SCHIP1: variants seen among roughly 807,000 people sequenced by gnomAD.
The protein encoded by SCHIP1 is schwannomin interacting protein 1.
In SCHIP1, 8 loss-of-function variants were observed where a neutral mutation model predicts 29.7. That is an observed-to-expected ratio of 0.27 (90% confidence interval 0.16 to 0.49). SCHIP1 has a LOEUF of 0.49. Ranked by LOEUF, SCHIP1 falls within the 20% of genes least tolerant of loss-of-function variation. The pLI is 0.99. For missense variants in SCHIP1, 193 were observed against 294.6 expected (o/e 0.66, Z 2.52); for synonymous variants, 76 against 94.9 (o/e 0.80, Z 1.16).
the SCHIP1 span, among the ~76,000 whole-genome samples, chr3:159,326,370 A>C: frequency 6.6e-6 from 1 of 152,234 alleles, no homozygotes; most frequent in Non-Finnish European, 1.5e-5. Flanking sequence ...AAGTATTCCA[A>C]AAGTACATCA....
intron 1 of SCHIP1, among the ~76,000 whole-genome samples, chr3:159,851,746 C>T (rs558869432): frequency 5.9e-5 from 9 of 152,302 alleles, no homozygotes; most frequent in Non-Finnish European, 8.8e-5. Context: ...CTGTGGCCAG[C>T]ATTGCCACAG....
chr3:159,615,575 C>T, the SCHIP1 span, among the ~76,000 whole-genome samples: 1 of 152,292 alleles, frequency 6.6e-6, no homozygotes, highest in East Asian at 1.9e-4. Flanking sequence ...GTCCCATTGG[C>T]TTGAAGATGA....
the SCHIP1 span, among the ~76,000 whole-genome samples, chr3:159,531,668 T>C: frequency 6.6e-6 from 1 of 152,208 alleles, no homozygotes; most frequent in African/African-American, 2.4e-5. Flanking sequence ...AGTCATGCCC[T>C]GAGCTTAAGT....
At chr3:159,328,322 G>A in the SCHIP1 span, among the ~76,000 whole-genome samples, 1 of 152,126 alleles carries the variant, frequency 6.6e-6, no homozygotes. Context: ...TCCTGCCCTT[G>A]AGGAATTTAT....
the SCHIP1 span, among the ~76,000 whole-genome samples, chr3:159,782,964 A>G: frequency 1.3e-5 from 2 of 152,224 alleles, no homozygotes; most frequent in African/African-American, 4.8e-5. Flanking sequence ...CATGTCCAGC[A>G]AAGAGACTGT....
chr3:159,607,380 G>C, the SCHIP1 span, among the ~76,000 whole-genome samples: 1 of 152,074 alleles, frequency 6.6e-6, no homozygotes, highest in Non-Finnish European at 1.5e-5. Context: ...TGTTGAGGAA[G>C]GAGGTAGGTA....
At chr3:159,603,422 C>T in the SCHIP1 span, among the ~76,000 whole-genome samples, 6 of 152,142 alleles carry the variant, frequency 3.9e-5, no homozygotes, top group South Asian at 8.3e-4. Context: ...AGGTTGGTGG[C>T]GGGGTGAGGC....
At chr3:159,668,435 A>AT in the SCHIP1 span, among the ~76,000 whole-genome samples, 1 of 151,834 alleles carries the variant, frequency 6.6e-6, no homozygotes, top group Admixed American at 6.6e-5. Flanking sequence ...CACATGTATA[A>AT]TACACAGTAG....
chr3:159,527,489 TC>T, the SCHIP1 span, among the ~76,000 whole-genome samples: 2 of 152,132 alleles, frequency 1.3e-5, no homozygotes, highest in Non-Finnish European at 2.9e-5. Flanking sequence ...ACAACAAAAC[TC>T]TCTTAGTTGT....
chr3:159,795,025 G>A, the SCHIP1 span, among the ~76,000 whole-genome samples: 1 of 152,176 alleles, frequency 6.6e-6, no homozygotes, highest in Non-Finnish European at 1.5e-5. Flanking sequence ...TGGTAGATGT[G>A]AGGTAGAATG....
the SCHIP1 span, among the ~76,000 whole-genome samples, chr3:159,424,314 A>C: frequency 6.6e-6 from 1 of 152,266 alleles, no homozygotes; most frequent in Non-Finnish European, 1.5e-5. Flanking sequence ...AGAATGTATA[A>C]CTAGAATAAC....
chr3:159,606,826 G>A, the SCHIP1 span, among the ~76,000 whole-genome samples: 1 of 152,206 alleles, frequency 6.6e-6, no homozygotes, highest in East Asian at 1.9e-4. Flanking sequence ...ATTCCTGCTA[G>A]ACCTTCCATT....
the SCHIP1 span, among the ~76,000 whole-genome samples, chr3:159,821,293 A>G: frequency 6.6e-6 from 1 of 152,226 alleles, no homozygotes; most frequent in African/African-American, 2.4e-5. Context: ...AAGTCTTTCA[A>G]GGAGTTTTGT....
At chr3:159,639,089 C>T in the SCHIP1 span, among the ~76,000 whole-genome samples, 1 of 152,062 alleles carries the variant, frequency 6.6e-6, no homozygotes, top group African/African-American at 2.4e-5. Context: ...TTCTTAAAAT[C>T]CCCAAGTTTT....
intron 1 of SCHIP1, among the ~76,000 whole-genome samples, chr3:159,865,867 A>G (rs1714567369): frequency 6.6e-6 from 1 of 152,258 alleles, no homozygotes; most frequent in Non-Finnish European, 1.5e-5. Flanking sequence ...CCTAGCAGGT[A>G]AGAAGAAGAA....
chr3:159,710,338 C>A, the SCHIP1 span, among the ~76,000 whole-genome samples: 1 of 151,930 alleles, frequency 6.6e-6, no homozygotes, highest in African/African-American at 2.4e-5. Context: ...ATAAGCCAGG[C>A]ACAGAAAAAA....
the SCHIP1 span, among the ~76,000 whole-genome samples, chr3:159,729,160 A>T: frequency 6.6e-6 from 1 of 152,002 alleles, no homozygotes; most frequent in African/African-American, 2.4e-5. Context: ...AAAAGAAAAG[A>T]AAAGAAAAAA....
chr3:159,791,762 G>A, the SCHIP1 span, among the ~76,000 whole-genome samples: 11 of 152,158 alleles, frequency 7.2e-5, no homozygotes, highest in Non-Finnish European at 2.9e-5. Context: ...TCACTTATCT[G>A]ACTATAAAAC....
the SCHIP1 span, among the ~76,000 whole-genome samples, chr3:159,644,330 A>T: frequency 2.0e-5 from 3 of 152,128 alleles, no homozygotes; most frequent in Non-Finnish European, 4.4e-5. Context: ...ACCCATTATT[A>T]CAGACTATCA....
Sources: gnomAD v4.1 joint callset for allele counts (sites outside exome capture counted in the v4.1 genomes callset) on GRCh38, gnomAD v4.1.1 for gene constraint, MANE v1.5 for transcripts, NCBI Gene and HGNC (gene_info 2026-07-23, HGNC 2026-07-21) for gene names.